Variants in PDE7B observed in about 807,000 individuals in gnomAD.
The protein encoded by PDE7B is 3',5'-cyclic-AMP phosphodiesterase 7B.
A neutral mutation model predicts 56.2 loss-of-function variants in PDE7B; 29 were observed. That is an observed-to-expected ratio of 0.52 (90% CI 0.38 to 0.70). The LOEUF (loss-of-function observed/expected upper bound fraction) is 0.70, where lower values mean the gene tolerates loss of function less well. PDE7B is among the 30% of genes least tolerant of loss of function. The pLI, the probability that PDE7B is intolerant of heterozygous loss-of-function variation, is 0.00. For synonymous variants in PDE7B, 197 were observed against 196.9 expected (o/e 1.00, Z 0.00); for missense variants, 490 against 565.0 (o/e 0.87, Z 1.35).
intron 1 of PDE7B, among the ~76,000 whole-genome samples, chr6:135,938,501 C>T (rs1774457293): frequency 6.6e-6 from 1 of 152,178 alleles, no homozygotes; most frequent in Non-Finnish European, 1.5e-5. Flanking sequence ...CTAGTCAGTT[C>T]CTATAACTGG....
intron 2 of PDE7B, among the ~76,000 whole-genome samples, chr6:136,075,186 G>C (rs956675175): frequency 6.6e-6 from 1 of 152,096 alleles, no homozygotes; most frequent in Non-Finnish European, 1.5e-5. Context: ...CATAGCAAGA[G>C]CATATTTCAG....
chr6:136,099,486 T>C (rs534664580), intron 2 of PDE7B, among the ~76,000 whole-genome samples: 5 of 152,372 alleles, frequency 3.3e-5, no homozygotes, highest in Admixed American at 3.3e-4. Context: ...CATGAGATGG[T>C]ATCTCATTGT....
At chr6:135,917,181 G>T (rs1460198583) in intron 1 of PDE7B, among the ~76,000 whole-genome samples, 3 of 152,214 alleles carry the variant, frequency 2.0e-5, no homozygotes, top group African/African-American at 7.2e-5. Context: ...CCAACATTAG[G>T]TTTCCTTTCA....
At chr6:136,008,259 G>C (rs891967075) in intron 2 of PDE7B, among the ~76,000 whole-genome samples, 10 of 152,176 alleles carry the variant, frequency 6.6e-5, no homozygotes, top group African/African-American at 2.4e-4. Flanking sequence ...TTGGTTCCAA[G>C]TCTTTGCTAT....
chr6:135,921,064 C>T (rs1046587446), intron 1 of PDE7B, among the ~76,000 whole-genome samples: 1 of 152,076 alleles, frequency 6.6e-6, no homozygotes, highest in Admixed American at 6.6e-5. Context: ...GGTGGTCAGG[C>T]CCCGAGGAGG....
At chr6:135,934,766 T>TATATATATATTATATATATATTTTAA (rs1562444839) in intron 1 of PDE7B, among the ~76,000 whole-genome samples, 14 of 97,672 alleles carry the variant, frequency 1.4e-4, no homozygotes, top group South Asian at 6.7e-4. Flanking sequence ...TTTTTAAATA[T>TATATATATATTATATATATATTTTAA]ATATATATAT....
intron 2 of PDE7B, among the ~76,000 whole-genome samples, chr6:136,099,217 A>G (rs1206806740): frequency 6.6e-6 from 1 of 152,152 alleles, no homozygotes; most frequent in African/African-American, 2.4e-5. Flanking sequence ...GCTATTGTGA[A>G]TAGTGCTGCA....
chr6:136,191,932 C>G lies in PDE7B; in HGVS notation c.*92C>G, dbSNP rs1159802733. ...GGGCCCTCACGCAGCAGCCCAGCCA[C>G]TTTCTGAGTGTTGTCCTGGGGCTCT... On this transcript the variant is annotated 3_prime_UTR_variant, in exon 13 of 13. Transcript: ENST00000308191. 1.1e-5 allele frequency: 10 copies of G among 937,322 alleles called. No individual in the cohort carries two copies. The highest frequency in any genetic ancestry group is 1.6e-5 in the Non-Finnish European group (10 of 618,618). 58.1% of individuals were successfully genotyped at this position (937,322 alleles called of 1,614,324 possible).
chr6:135,865,375 T>G (rs1038907234), intron 1 of PDE7B, among the ~76,000 whole-genome samples: 27 of 152,224 alleles, frequency 1.8e-4, no homozygotes, highest in African/African-American at 6.0e-4. Context: ...AACAATTTGT[T>G]AAGTTATGAT....
At chr6:135,873,621 G>GT (rs764961120) in intron 1 of PDE7B, among the ~76,000 whole-genome samples, 1 of 152,008 alleles carries the variant, frequency 6.6e-6, no homozygotes. Context: ...GGAGGGCATT[G>GT]TTTTTATCTT....
chr6:136,090,809 C>T (rs1583875524), intron 2 of PDE7B, among the ~76,000 whole-genome samples: 1 of 152,164 alleles, frequency 6.6e-6, no homozygotes. Flanking sequence ...CCCAAATTAT[C>T]TCTCACCAAA....
At chr6:135,953,489 T>C (rs1469084614) in intron 2 of PDE7B, among the ~76,000 whole-genome samples, 2 of 152,120 alleles carry the variant, frequency 1.3e-5, no homozygotes, top group Admixed American at 1.3e-4. Context: ...TAAGCAATAA[T>C]AACAATATTA....
At chr6:135,945,474 A>G (rs1195440654) in intron 1 of PDE7B, among the ~76,000 whole-genome samples, 1 of 119,006 alleles carries the variant, frequency 8.4e-6, no homozygotes, top group Non-Finnish European at 1.8e-5. Context: ...CACTGAACCA[A>G]CTGTCCATCT....
chr6:136,111,501 C>G (rs778421923), intron 3 of PDE7B, among the ~76,000 whole-genome samples: 1 of 152,172 alleles, frequency 6.6e-6, no homozygotes, highest in Admixed American at 6.5e-5. Flanking sequence ...TTACTGTGGT[C>G]GCCCTCCACG....
chr6:136,087,121 TTC>T (rs1435098523), intron 2 of PDE7B, among the ~76,000 whole-genome samples: 1 of 152,262 alleles, frequency 6.6e-6, no homozygotes, highest in East Asian at 1.9e-4. Context: ...AGAAACATCT[TTC>T]TCTTTCACTT....
At chr6:136,093,875 T>C (rs1408806839) in intron 2 of PDE7B, among the ~76,000 whole-genome samples, 7 of 152,238 alleles carry the variant, frequency 4.6e-5, no homozygotes, top group Non-Finnish European at 1.0e-4. Flanking sequence ...CCTTAGATCA[T>C]GTCACTTTCT....
At chr6:136,157,214 A>T (rs1778623688) in intron 8 of PDE7B, among the ~76,000 whole-genome samples, 1 of 152,140 alleles carries the variant, frequency 6.6e-6, no homozygotes, top group Non-Finnish European at 1.5e-5. Context: ...CATATTGATC[A>T]CCTACCGTGT....
intron 2 of PDE7B, among the ~76,000 whole-genome samples, chr6:136,088,585 G>A (rs1222479724): frequency 6.6e-6 from 1 of 152,150 alleles, no homozygotes; most frequent in Non-Finnish European, 1.5e-5. Context: ...ATATTGTATT[G>A]TTTGCATTTA....
At chr6:135,939,427 C>G (rs548751340) in intron 1 of PDE7B, among the ~76,000 whole-genome samples, 2 of 152,106 alleles carry the variant, frequency 1.3e-5, no homozygotes, top group Non-Finnish European at 2.9e-5. Context: ...ACTTATTAGT[C>G]TCTGACGTTT....
Sources: allele counts gnomAD v4.1 joint callset (sites outside exome capture counted in the v4.1 genomes callset), GRCh38; gene constraint gnomAD v4.1.1; transcripts MANE v1.5; gene names NCBI Gene and HGNC (gene_info 2026-07-23, HGNC 2026-07-21).